The following NRG1 variants were observed in gnomAD, a reference collection of about 807,000 sequenced individuals.
NRG1 encodes neuregulin 1.
NRG1 carries 18 observed loss-of-function variants against 63.8 expected under a neutral mutation model. The ratio of observed to expected loss-of-function variants is 0.28; its 90% confidence interval spans 0.19 to 0.42. NRG1 has a LOEUF of 0.42. Among genes scored for constraint, NRG1 ranks in the 10% least tolerant of loss-of-function variants. The pLI is 1.00. For synonymous variants in NRG1, 302 were observed against 301.3 expected (o/e 1.00, Z -0.02); for missense variants, 762 against 814.7 (o/e 0.94, Z 0.79).
intron 5 of NRG1, among the ~76,000 whole-genome samples, chr8:32,691,385 G>C (rs192320569): frequency 6.6e-6 from 1 of 152,178 alleles, no homozygotes; most frequent in East Asian, 1.9e-4. Context: ...AAATAGGTGA[G>C]ATGCCAATTC....
chr8:32,297,196 T>G (rs967426555), intron 1 of NRG1, among the ~76,000 whole-genome samples: 4 of 152,110 alleles, frequency 2.6e-5, no homozygotes, highest in Non-Finnish European at 5.9e-5. Context: ...AAAATTTAAT[T>G]TAAAAATTTC....
chr8:32,692,498 A>G (rs903417666), intron 5 of NRG1, among the ~76,000 whole-genome samples: 15 of 152,232 alleles, frequency 9.9e-5, no homozygotes, highest in Non-Finnish European at 2.1e-4. Context: ...AAGGAGGGAA[A>G]GATGGTATAA....
At chr8:31,839,402 T>G (rs1001365194) in intron 1 of NRG1, among the ~76,000 whole-genome samples, 1 of 152,214 alleles carries the variant, frequency 6.6e-6, no homozygotes, top group African/African-American at 2.4e-5. Context: ...CATTGTTATT[T>G]GTGTGTATGC....
chr8:32,470,494 G>A (rs925624555), intron 1 of NRG1, among the ~76,000 whole-genome samples: 13 of 152,100 alleles, frequency 8.5e-5, no homozygotes, highest in South Asian at 2.1e-4. Context: ...GTGAGCCACC[G>A]CGCCCGACCA....
At chr8:31,946,592 A>G (rs185247510) in intron 1 of NRG1, among the ~76,000 whole-genome samples, 144 of 114,732 alleles carry the variant, frequency 1.3e-3, no homozygotes, top group African/African-American at 4.2e-3. Flanking sequence ...TGGCACTGTG[A>G]TAAGATGTGA....
At chr8:32,133,226 G>A (rs1835079665) in intron 1 of NRG1, among the ~76,000 whole-genome samples, 1 of 152,082 alleles carries the variant, frequency 6.6e-6, no homozygotes, top group Middle Eastern at 3.2e-3. Context: ...GCATTTGTGT[G>A]TTAGAATCAG....
At chr8:31,650,220 C>G (rs1401650913) in intron 1 of NRG1, among the ~76,000 whole-genome samples, 1 of 152,294 alleles carries the variant, frequency 6.6e-6, no homozygotes. Flanking sequence ...TCAAGCAATG[C>G]TCCCACCTCA....
chr8:32,188,980 A>G (rs895097086), intron 1 of NRG1, among the ~76,000 whole-genome samples: 1 of 152,136 alleles, frequency 6.6e-6, no homozygotes, highest in African/African-American at 2.4e-5. Flanking sequence ...ATTAAAAAAA[A>G]GTCAAGGAAG....
At chr8:32,496,104 A>G (rs370135272) in intron 1 of NRG1, among the ~76,000 whole-genome samples, 3 of 152,130 alleles carry the variant, frequency 2.0e-5, no homozygotes, top group Admixed American at 6.6e-5. Context: ...AAATTGTTCA[A>G]TTTTTTCACA....
chr8:32,466,859 G>C (rs148815330), intron 1 of NRG1, among the ~76,000 whole-genome samples: 8 of 151,956 alleles, frequency 5.3e-5, no homozygotes, highest in African/African-American at 1.9e-4. Flanking sequence ...GTGATATTCT[G>C]ATACATATGT....
chr8:31,844,191 G>A (rs898576600), intron 1 of NRG1, among the ~76,000 whole-genome samples: 1 of 152,206 alleles, frequency 6.6e-6, no homozygotes, highest in African/African-American at 2.4e-5. Context: ...CTGCAGGTGG[G>A]ATGAGAGGTG....
intron 5 of NRG1, among the ~76,000 whole-genome samples, chr8:32,705,573 T>G (rs1816181220): frequency 1.3e-5 from 2 of 152,364 alleles, no homozygotes; most frequent in African/African-American, 4.8e-5. Context: ...GGATCTCCTC[T>G]TGATCTACTC....
At chr8:31,776,293 C>G (rs1819129277) in intron 1 of NRG1, among the ~76,000 whole-genome samples, 1 of 152,154 alleles carries the variant, frequency 6.6e-6, no homozygotes, top group Non-Finnish European at 1.5e-5. Flanking sequence ...CTCCTAATTC[C>G]CAGCAGGGGC....
intron 1 of NRG1, among the ~76,000 whole-genome samples, chr8:31,800,714 A>T (rs1396118969): frequency 6.6e-6 from 1 of 151,976 alleles, no homozygotes; most frequent in Non-Finnish European, 1.5e-5. Flanking sequence ...AAAATTTCTT[A>T]TTCTGGAAAG....
At chr8:31,730,428 C>T (rs1313569114) in intron 1 of NRG1, among the ~76,000 whole-genome samples, 1 of 152,028 alleles carries the variant, frequency 6.6e-6, no homozygotes, top group Non-Finnish European at 1.5e-5. Flanking sequence ...CACTCATGCC[C>T]ATGTATATAC....
chr8:32,521,132 T>C (rs1316545239), intron 1 of NRG1, among the ~76,000 whole-genome samples: 3 of 152,158 alleles, frequency 2.0e-5, no homozygotes, highest in African/African-American at 7.2e-5. Flanking sequence ...AAAAATAGTA[T>C]ATATAGGGTT....
At chr8:32,456,131 CT>C (rs528483683) in intron 1 of NRG1, among the ~76,000 whole-genome samples, 1 of 152,182 alleles carries the variant, frequency 6.6e-6, no homozygotes. Flanking sequence ...TTCAAACAAC[CT>C]TTTATTCATA....
At chr8:32,233,075 A>G (rs2129469162) in intron 1 of NRG1, among the ~76,000 whole-genome samples, 1 of 152,102 alleles carries the variant, frequency 6.6e-6, no homozygotes, top group African/African-American at 2.4e-5. Context: ...ACTACTTCAC[A>G]TTTCCTTTGA....
At position 31,726,902 on chromosome 8, in the gene NRG1, G is replaced by A. The variant is rs146850435; in HGVS notation, c.37+87471G>A. The stretch of plus-strand genomic sequence containing the variant: ...GAGGGTAGTGTCCAGAGAAGGTCTG[G>A]TTATGAGGTGTCAGAAGCCAACACT... On this transcript the variant is annotated intron_variant, in intron 1 of 10. Transcript: ENST00000519301. 3.1e-3 allele frequency among the ~76,000 whole-genome samples: 472 copies of A among 152,282 alleles called. 7 individuals carry two copies. Among genetic ancestry groups the A allele is most frequent in the African/African-American group, 9.7e-3 (405 of 41,560 alleles).
Sources: allele counts gnomAD v4.1 joint callset (sites outside exome capture counted in the v4.1 genomes callset), GRCh38; gene constraint gnomAD v4.1.1; transcripts MANE v1.5; gene names NCBI Gene and HGNC (gene_info 2026-07-23, HGNC 2026-07-21).